Variants in EHMT1 observed in about 807,000 individuals in gnomAD.
EHMT1 encodes the protein histone-lysine N-methyltransferase EHMT1.
EHMT1 carries 15 observed loss-of-function variants against 147.2 expected under a neutral mutation model. That is an observed-to-expected ratio of 0.10 (90% CI 0.07 to 0.16). The LOEUF is 0.16. EHMT1 is among the 10% of genes least tolerant of loss of function. The pLI is 1.00. For missense variants in EHMT1, 1,587 were observed against 1,772.4 expected (o/e 0.90, Z 1.88); for synonymous variants, 795 against 709.6 (o/e 1.12, Z -1.91).
chr9:137,759,405 G>C (rs1949632292), intron 9 of EHMT1, among the ~76,000 whole-genome samples: 1 of 152,326 alleles, frequency 6.6e-6, no homozygotes, highest in Middle Eastern at 3.4e-3. Context: ...GACTCCTGCT[G>C]TGGTGGCCTT....
At chr9:137,762,523 G>A (rs754328039) in intron 9 of EHMT1, 152 bp from the exon 10 acceptor site, 38 of 1,362,962 alleles carry the variant, frequency 2.8e-5, no homozygotes, top group East Asian at 5.0e-5. Flanking sequence ...GGCCATCCCC[G>A]CCCCACGCAG....
intron 4 of EHMT1, among the ~76,000 whole-genome samples, chr9:137,729,718 G>A (rs1166107500): frequency 6.6e-6 from 1 of 151,840 alleles, no homozygotes; most frequent in Admixed American, 6.6e-5. Flanking sequence ...GCCCCCCCAT[G>A]TATTACTTTT....
At chr9:137,697,648 G>C (rs1347985270) in intron 1 of EHMT1, among the ~76,000 whole-genome samples, 6 of 152,140 alleles carry the variant, frequency 3.9e-5, no homozygotes, top group Admixed American at 3.9e-4. Context: ...AAGTTAGAGT[G>C]AATATGTTGA....
intron 25 of EHMT1, among the ~76,000 whole-genome samples, chr9:137,821,298 C>T (rs969961366): frequency 1.4e-5 from 2 of 142,880 alleles, no homozygotes; most frequent in African/African-American, 5.3e-5. Flanking sequence ...GGATTACAGG[C>T]ATGAGCCACT....
At chr9:137,711,767 G>C (rs1356874145) in intron 2 of EHMT1, among the ~76,000 whole-genome samples, 2 of 152,142 alleles carry the variant, frequency 1.3e-5, no homozygotes, top group Non-Finnish European at 2.9e-5. Flanking sequence ...CGCCAGACGA[G>C]CTGTGCTGTG....
intron 1 of EHMT1, among the ~76,000 whole-genome samples, chr9:137,662,954 C>T (rs986646374): frequency 5.3e-5 from 8 of 151,476 alleles, no homozygotes; most frequent in African/African-American, 1.2e-4. Flanking sequence ...CCACCATGCC[C>T]GGCTAATTTT....
chr9:137,710,989 C>T lies in EHMT1; in HGVS notation c.44C>T (p.Pro15Leu), dbSNP rs1389665235. The change falls in exon 2 of 27, where the codon CCT (proline) becomes CTT (leucine). Residue 15 changes from proline (P) to leucine (L), a missense_variant. This residue lies in a region of EHMT1 where 810 missense variants were observed against 673.0 expected (regional missense o/e 1.20). Coordinates refer to ENST00000460843, the MANE Select transcript of EHMT1 (RefSeq NM_024757.5). The part of the protein sequence containing the change: ...DAEAVPARGE[P>L]QQDCCVKTEL... ...CAGGCAGTTCCGGCGAGGGGGGAGC[C>T]TCAGCAGGATTGCTGTGTGAAAACC... 4.4e-6 allele frequency: 7 copies of T among 1,599,436 alleles called. No homozygotes were observed. The highest frequency in any genetic ancestry group is 1.7e-5 in the Admixed American group (1 of 58,046).
At chr9:137,721,809 C>G (rs1362607575) in intron 3 of EHMT1, among the ~76,000 whole-genome samples, 2 of 152,118 alleles carry the variant, frequency 1.3e-5, no homozygotes, top group African/African-American at 4.8e-5. Flanking sequence ...TATGTGGTTT[C>G]CAGTATTTTC....
At chr9:137,664,632 C>T (rs968094857) in intron 1 of EHMT1, among the ~76,000 whole-genome samples, 1 of 151,542 alleles carries the variant, frequency 6.6e-6, no homozygotes, top group African/African-American at 2.4e-5. Context: ...GTCTTTGTTG[C>T]TTTAAATGTA....
Position 137,672,311 on chromosome 9 carries a change from A to G in EHMT1, c.22-38656A>G, listed in dbSNP as rs544585474. Among the ~76,000 whole-genome samples the G allele has an allele frequency of 1.6e-4, 24 of 152,256 alleles. No individual in the cohort carries two copies. In the East Asian group the frequency reaches 4.6e-3, roughly 29 times the overall value. The stretch of plus-strand genomic sequence containing the variant: ...TGTACAGGAGGTTTTGACAAATGGT[A>G]AAACTAACTTGATGCCATTTTCATA... On this transcript the variant is annotated intron_variant, in intron 1 of 26. Coordinates refer to ENST00000460843, the MANE Select transcript of EHMT1 (RefSeq NM_024757.5).
chr9:137,680,336 G>A (rs1032482576), intron 1 of EHMT1, among the ~76,000 whole-genome samples: 1 of 152,100 alleles, frequency 6.6e-6, no homozygotes, highest in Non-Finnish European at 1.5e-5. Flanking sequence ...AGCCAGGTGT[G>A]GTGGTGCACG....
chr9:137,692,644 C>A (rs945806446), intron 1 of EHMT1, among the ~76,000 whole-genome samples: 16 of 152,092 alleles, frequency 1.1e-4, no homozygotes, highest in Non-Finnish European at 1.5e-4. Context: ...AGAAAACTCT[C>A]TTTTAGACGT....
intron 1 of EHMT1, among the ~76,000 whole-genome samples, chr9:137,632,934 C>T (rs958823837): frequency 3.3e-5 from 5 of 152,254 alleles, no homozygotes; most frequent in East Asian, 3.9e-4. Flanking sequence ...ATCAGGTTTG[C>T]GTGTTAGGCT....
intron 1 of EHMT1, among the ~76,000 whole-genome samples, chr9:137,636,701 A>G (rs1388983928): frequency 6.6e-6 from 1 of 152,084 alleles, no homozygotes; most frequent in African/African-American, 2.4e-5. Flanking sequence ...AGATTTTCAT[A>G]TGCTCAACCA....
chr9:137,820,222 G>A (rs1955294150), intron 25 of EHMT1: 1 of 152,248 alleles, frequency 6.6e-6, no homozygotes, highest in African/African-American at 2.4e-5. Context: ...CTGGGCTCTG[G>A]AAGGTCACAG....
intron 9 of EHMT1, among the ~76,000 whole-genome samples, chr9:137,759,057 G>A (rs1185246505): frequency 2.0e-5 from 3 of 152,108 alleles, no homozygotes; most frequent in Non-Finnish European, 4.4e-5. Context: ...AACCCAGGAA[G>A]CAGAGCTTGC....
chr9:137,664,556 G>T (rs1416800643), intron 1 of EHMT1, among the ~76,000 whole-genome samples: 3 of 151,928 alleles, frequency 2.0e-5, no homozygotes, highest in African/African-American at 7.3e-5. Flanking sequence ...ACTGCGCCTG[G>T]CCCGATACTC....
chr9:137,779,186 C>T, intron 13 of EHMT1, among the ~76,000 whole-genome samples: 1 of 152,210 alleles, frequency 6.6e-6, no homozygotes, highest in East Asian at 1.9e-4. Flanking sequence ...AGCAAAAGTG[C>T]CAGTGTTCCC....
intron 4 of EHMT1, among the ~76,000 whole-genome samples, chr9:137,733,539 C>T (rs1027563192): frequency 6.6e-6 from 1 of 152,186 alleles, no homozygotes; most frequent in Non-Finnish European, 1.5e-5. Context: ...TAATTTCAGT[C>T]AGTTTCAGCT....
Sources: gnomAD v4.1 joint callset for allele counts (sites outside exome capture counted in the v4.1 genomes callset) on GRCh38, gnomAD v4.1.1 for gene constraint, gnomAD v4.1.1 regional missense constraint, MANE v1.5 for transcripts, NCBI Gene and HGNC (gene_info 2026-07-23, HGNC 2026-07-21) for gene names.